Variants in PCDH15 observed in about 807,000 individuals in gnomAD.
PCDH15 encodes protocadherin-15.
Under a neutral mutation model 178.5 loss-of-function variants are expected in PCDH15, and 129 were observed. That is an observed-to-expected ratio of 0.72 (90% CI 0.63 to 0.84). The LOEUF (loss-of-function observed/expected upper bound fraction) is 0.84. PCDH15 is among the 40% of genes least tolerant of loss of function. PCDH15 has a pLI of 0.00. For missense variants in PCDH15, 2,230 were observed against 2,099.9 expected, an observed-to-expected ratio of 1.06 and a Z score of -1.21; for synonymous variants, 800 against 732.0, an observed-to-expected ratio of 1.09 and a Z score of -1.50.
intron 1 of PCDH15, among the ~76,000 whole-genome samples, chr10:54,720,713 A>T (rs1342138300): frequency 3.3e-5 from 5 of 152,074 alleles, no homozygotes; most frequent in Non-Finnish European, 7.4e-5. Flanking sequence ...ATATATGTGC[A>T]TCCAACACCA....
At chr10:55,481,251 T>C (rs1046813608) in intron 2 of PCDH15, among the ~76,000 whole-genome samples, 2 of 151,540 alleles carry the variant, frequency 1.3e-5, no homozygotes, top group Admixed American at 1.3e-4. Context: ...TTCTAGCTAA[T>C]AGTCTATTTT....
At chr10:55,024,560 T>C (rs1840429140) in intron 2 of PCDH15, among the ~76,000 whole-genome samples, 1 of 151,972 alleles carries the variant, frequency 6.6e-6, no homozygotes, top group African/African-American at 2.4e-5. Flanking sequence ...ATCATATACA[T>C]ATCTCATTAG....
intron 20 of PCDH15, among the ~76,000 whole-genome samples, chr10:54,000,153 G>C (rs966056765): frequency 3.3e-5 from 5 of 152,194 alleles, no homozygotes; most frequent in African/African-American, 9.6e-5. Flanking sequence ...TCCTAAAGCA[G>C]ATACAGCTTT....
intron 2 of PCDH15, among the ~76,000 whole-genome samples, chr10:55,597,923 A>G (rs1331384424): frequency 6.6e-6 from 1 of 152,130 alleles, no homozygotes; most frequent in Non-Finnish European, 1.5e-5. Flanking sequence ...ATGAATTCTC[A>G]GTAAAATTAC....
chr10:55,565,638 A>G (rs1278037244), intron 2 of PCDH15, among the ~76,000 whole-genome samples: 1 of 151,650 alleles, frequency 6.6e-6, no homozygotes, highest in Non-Finnish European at 1.5e-5. Context: ...AATTACTACA[A>G]TGAGAAATGA....
At chr10:54,182,252 C>CCG (rs2133783061) in intron 13 of PCDH15, among the ~76,000 whole-genome samples, 1 of 152,318 alleles carries the variant, frequency 6.6e-6, no homozygotes, top group East Asian at 1.9e-4. Flanking sequence ...CAGGTGTGAG[C>CCG]CGCCATGCCC....
intron 2 of PCDH15, among the ~76,000 whole-genome samples, chr10:55,060,631 A>G (rs997080852): frequency 2.0e-5 from 3 of 152,020 alleles, no homozygotes; most frequent in Non-Finnish European, 2.9e-5. Flanking sequence ...AGGTTTAATG[A>G]ATACCTTTCA....
intron 26 of PCDH15, among the ~76,000 whole-genome samples, chr10:53,884,925 A>G (rs1442463093): frequency 6.6e-6 from 1 of 152,198 alleles, no homozygotes; most frequent in Non-Finnish European, 1.5e-5. Context: ...TACTAACATA[A>G]TATACCATTA....
At chr10:54,771,099 C>G (rs901440788) in intron 1 of PCDH15, among the ~76,000 whole-genome samples, 1 of 152,068 alleles carries the variant, frequency 6.6e-6, no homozygotes. Context: ...TTGACACACT[C>G]ATCATGAACC....
chr10:54,622,373 T>C (rs1208837480), intron 2 of PCDH15, among the ~76,000 whole-genome samples: 1 of 150,668 alleles, frequency 6.6e-6, no homozygotes. Context: ...GGAAAGGACC[T>C]TGACTTTGAT....
chr10:54,898,758 C>A (rs1954589324), intron 2 of PCDH15, among the ~76,000 whole-genome samples: 1 of 152,082 alleles, frequency 6.6e-6, no homozygotes, highest in African/African-American at 2.4e-5. Context: ...CATTTTGAAT[C>A]CTGAATATAT....
intron 1 of PCDH15, among the ~76,000 whole-genome samples, chr10:54,703,025 C>T (rs2095327115): frequency 6.6e-6 from 1 of 152,104 alleles, no homozygotes; most frequent in African/African-American, 2.4e-5. Flanking sequence ...AAAGCTCATT[C>T]ACCATGATCA....
chr10:55,150,319 G>A (rs925828830), intron 2 of PCDH15, among the ~76,000 whole-genome samples: 2 of 152,016 alleles, frequency 1.3e-5, no homozygotes, highest in African/African-American at 4.8e-5. Context: ...TAAATGGCCT[G>A]CAAAAACAGA....
intron 3 of PCDH15, among the ~76,000 whole-genome samples, chr10:54,396,266 T>A (rs1589202348): frequency 6.6e-6 from 1 of 152,156 alleles, no homozygotes; most frequent in Non-Finnish European, 1.5e-5. Context: ...TCAAAATCCT[T>A]TTCCTTTGTC....
At chr10:55,356,798 T>C (rs1434538913) in intron 2 of PCDH15, among the ~76,000 whole-genome samples, 1 of 151,988 alleles carries the variant, frequency 6.6e-6, no homozygotes, top group Admixed American at 6.6e-5. Context: ...ATAAGTAACA[T>C]TCCGAGATTA....
chr10:55,568,426 T>G (rs1842345496), intron 2 of PCDH15, among the ~76,000 whole-genome samples: 1 of 151,962 alleles, frequency 6.6e-6, no homozygotes, highest in Non-Finnish European at 1.5e-5. Flanking sequence ...TTTTCAGTTT[T>G]AAAGATTGTA....
At chr10:54,234,009 C>T (rs565151883) in intron 9 of PCDH15, among the ~76,000 whole-genome samples, 49 of 152,132 alleles carry the variant, frequency 3.2e-4, no homozygotes, top group African/African-American at 9.9e-4. Context: ...GGAGAGGAGT[C>T]GTCCATGTGG....
intron 1 of PCDH15, among the ~76,000 whole-genome samples, chr10:54,768,603 TGAA>T (rs1722368962): frequency 6.6e-6 from 1 of 152,156 alleles, no homozygotes; most frequent in Admixed American, 6.5e-5. Flanking sequence ...AAAATATGAA[TGAA>T]GAAGTGAAGG....
At chr10:54,439,103 A>G (rs2075628431) in intron 3 of PCDH15, among the ~76,000 whole-genome samples, 1 of 148,768 alleles carries the variant, frequency 6.7e-6, no homozygotes, top group Non-Finnish European at 1.5e-5. Context: ...TCCATTCTAT[A>G]TATGTATAAA....
Sources: gnomAD v4.1 joint callset for allele counts (sites outside exome capture counted in the v4.1 genomes callset) on GRCh38, gnomAD v4.1.1 for gene constraint, MANE v1.5 for transcripts, NCBI Gene and HGNC (gene_info 2026-07-23, HGNC 2026-07-21) for gene names.